The following TRPS1 variants were observed in gnomAD, a reference collection of about 807,000 sequenced individuals.
TRPS1 encodes transcriptional repressor GATA binding 1.
Under a neutral mutation model 101.2 loss-of-function variants are expected in TRPS1, and 6 were observed. The ratio of observed to expected loss-of-function variants is 0.06; its 90% CI spans 0.03 to 0.12. The LOEUF is 0.12. Among genes scored for constraint, TRPS1 ranks in the 10% least tolerant of loss-of-function variants. TRPS1 has a pLI of 1.00. For missense variants in TRPS1, 1,363 were observed against 1,567.0 expected, an observed-to-expected ratio of 0.87 and a Z score of 2.20; for synonymous variants, 578 against 589.8, an observed-to-expected ratio of 0.98 and a Z score of 0.29.
At chr8:115,426,651 T>C (rs1274696740) in intron 5 of TRPS1, among the ~76,000 whole-genome samples, 3 of 152,196 alleles carry the variant, frequency 2.0e-5, no homozygotes, top group African/African-American at 4.8e-5. Context: ...TTGGGGATCA[T>C]ACAATCTTTT....
chr8:115,440,040 C>T (rs1464099401), intron 5 of TRPS1, among the ~76,000 whole-genome samples: 1 of 152,216 alleles, frequency 6.6e-6, no homozygotes, highest in Non-Finnish European at 1.5e-5. Flanking sequence ...ATAATTGCCA[C>T]AGAGTTTGCT....
chr8:115,480,656 T>C (rs1814729910), intron 5 of TRPS1, among the ~76,000 whole-genome samples: 1 of 152,078 alleles, frequency 6.6e-6, no homozygotes, highest in African/African-American at 2.4e-5. Context: ...AGAATGCATA[T>C]ATTATATTCA....
chr8:115,557,632 G>A (rs150379921), intron 5 of TRPS1, among the ~76,000 whole-genome samples: 13 of 152,078 alleles, frequency 8.5e-5, no homozygotes, highest in South Asian at 4.2e-4. Flanking sequence ...TTCCCTTTCC[G>A]CCATGATTAT....
chr8:115,531,700 G>C (rs1816135030), intron 5 of TRPS1, among the ~76,000 whole-genome samples: 1 of 151,970 alleles, frequency 6.6e-6, no homozygotes, highest in Non-Finnish European at 1.5e-5. Context: ...TACTTACAAA[G>C]AGTAAGAGTT....
intron 4 of TRPS1, among the ~76,000 whole-genome samples, chr8:115,592,312 A>G (rs1047749525): frequency 5.9e-5 from 9 of 152,176 alleles, no homozygotes; most frequent in African/African-American, 2.2e-4. Flanking sequence ...ATTACTAGCT[A>G]CATCATGGCT....
intron 1 of TRPS1, among the ~76,000 whole-genome samples, chr8:115,630,312 G>C (rs867564795): frequency 1.3e-5 from 2 of 151,832 alleles, no homozygotes; most frequent in South Asian, 2.1e-4. Flanking sequence ...AGGCAATCTC[G>C]TCAATCTTCA....
intron 5 of TRPS1, among the ~76,000 whole-genome samples, chr8:115,459,574 G>A (rs1290585592): frequency 6.6e-6 from 1 of 152,172 alleles, no homozygotes; most frequent in Non-Finnish European, 1.5e-5. Context: ...GAGAAAGTTA[G>A]TGAGATAATA....
rs1207920655 is a variant in TRPS1 at position 115,604,975 on chromosome 8, T to C, written c.994A>G (p.Ile332Val). The C allele has an allele frequency of 6.2e-7, 1 of 1,613,782 alleles. No homozygotes were observed. The highest frequency in any genetic ancestry group is 8.5e-7 in the Non-Finnish European group (1 of 1,179,928). Residue 332 changes from isoleucine to valine, a missense_variant, in exon 4 of 7, where the codon ATT becomes GTT. Physicochemically the swap from Ile to Val is conservative, Grantham distance 29 (BLOSUM62 3). Coordinates refer to ENST00000395715, the MANE Select transcript of TRPS1 (RefSeq NM_014112.5). This position sits in a 1 kb window ranked among gnomAD's most constrained non-coding sequence, Gnocchi z 4.1. ...TGGCAATCTGGTGTTTTCCGTCCAA[T>C]GCCAATGAATGTTCCACCTGAAGTC... Reference protein sequence around the residue: ...QVTSGGTFIGIGRKTPDCQGN... With the variant: ...QVTSGGTFIGVGRKTPDCQGN...
At chr8:115,520,922 A>G (rs923011849) in intron 5 of TRPS1, among the ~76,000 whole-genome samples, 13 of 151,738 alleles carry the variant, frequency 8.6e-5, no homozygotes, top group Non-Finnish European at 1.8e-4. Context: ...TTTACTCTAT[A>G]TTTGTACAGG....
chr8:115,411,192 T>C lies in TRPS1; in HGVS notation c.*2831A>G, dbSNP rs952969516. 5 of 152,346 alleles carry C rather than the reference T, an allele frequency of 3.3e-5. No individual in the cohort carries two copies. The South Asian group carries it at 8.3e-4, about 25-fold the overall frequency. The allele number at this position is 152,346 out of a possible 1,614,324, so 9.4% of individuals were successfully genotyped here. ...CTATCGTGTCAACGCTATCCAAAAA[T>C]ATTCTACTAAAAAGTAGACTGACCA... is the stretch of plus-strand genomic sequence containing the variant. On this transcript the variant is annotated 3_prime_UTR_variant, in exon 7 of 7. Transcript: ENST00000395715.
At chr8:115,626,878 A>T (rs1298642543) in intron 1 of TRPS1, among the ~76,000 whole-genome samples, 3 of 151,750 alleles carry the variant, frequency 2.0e-5, no homozygotes, top group Non-Finnish European at 4.4e-5. Context: ...TAGATTTTAA[A>T]TATCTCATTT....
At chr8:115,535,720 A>G (rs1816302776) in intron 5 of TRPS1, among the ~76,000 whole-genome samples, 1 of 150,940 alleles carries the variant, frequency 6.6e-6, no homozygotes, top group Non-Finnish European at 1.5e-5. Flanking sequence ...AAAATTACAT[A>G]TATATGCTAA....
At chr8:115,486,292 C>T (rs73369758) in intron 5 of TRPS1, among the ~76,000 whole-genome samples, 3,289 of 152,278 alleles carry the variant, frequency 0.022, 119 homozygotes, top group African/African-American at 0.069. Flanking sequence ...ATAAGTGCTG[C>T]GTGTGTTCTG....
At chr8:115,493,942 T>A (rs1284176094) in intron 5 of TRPS1, among the ~76,000 whole-genome samples, 1 of 152,218 alleles carries the variant, frequency 6.6e-6, no homozygotes. Flanking sequence ...AAACTCTAAA[T>A]TCCATAAAAA....
At position 115,639,366 on chromosome 8, in the gene TRPS1, A is replaced by C. The variant is rs531997704; in HGVS notation, c.-121-15608T>G. 1.1e-3 allele frequency among the ~76,000 whole-genome samples: 164 copies of C among 152,282 alleles called. 1 individual carries two copies. The highest frequency in any genetic ancestry group is 3.8e-3 in the African/African-American group (158 of 41,562). On this transcript the variant is annotated intron_variant, in intron 1 of 6. Coordinates refer to ENST00000395715, the MANE Select transcript of TRPS1 (RefSeq NM_014112.5). Reference sequence around the variant, plus strand: ...TTACAGGTGTGAGCCACGATGTCCAACAGTCAATCACTATATGATTACAAA... The same window carrying C: ...TTACAGGTGTGAGCCACGATGTCCACCAGTCAATCACTATATGATTACAAA...
intron 5 of TRPS1, among the ~76,000 whole-genome samples, chr8:115,427,807 T>C (rs531914173): frequency 2.5e-5 from 3 of 121,284 alleles, no homozygotes; most frequent in African/African-American, 9.6e-5. Context: ...GACACAGTCA[T>C]AGCCAGAGGA....
intron 5 of TRPS1, among the ~76,000 whole-genome samples, chr8:115,535,313 T>A (rs1008895284): frequency 8.1e-4 from 45 of 55,562 alleles, no homozygotes; most frequent in African/African-American, 7.5e-3. Context: ...ATAGCATATA[T>A]AGCATATATA....
chr8:115,442,884 G>A (rs1813640981), intron 5 of TRPS1, among the ~76,000 whole-genome samples: 1 of 151,924 alleles, frequency 6.6e-6, no homozygotes, highest in African/African-American at 2.4e-5. Flanking sequence ...GACGTCAGGA[G>A]ATCGAGATCA....
At chr8:115,435,805 T>C (rs562763458) in intron 5 of TRPS1, among the ~76,000 whole-genome samples, 1 of 152,176 alleles carries the variant, frequency 6.6e-6, no homozygotes, top group Non-Finnish European at 1.5e-5. Flanking sequence ...TGTTTATTTA[T>C]AAACGTCTTA....
Sources: gnomAD v4.1 joint callset for allele counts (sites outside exome capture counted in the v4.1 genomes callset) on GRCh38, gnomAD v4.1.1 for gene constraint, Gnocchi (gnomAD v3.1) non-coding constraint, MANE v1.5 for transcripts, NCBI Gene and HGNC (gene_info 2026-07-23, HGNC 2026-07-21) for gene names.